Variants in MYO9A observed in about 807,000 individuals in gnomAD.
MYO9A encodes unconventional myosin-IXa.
A neutral mutation model predicts 293.3 loss-of-function variants in MYO9A; 103 were observed. The observed-to-expected ratio is 0.35, with a 90% CI of 0.30 to 0.41. The LOEUF (loss-of-function observed/expected upper bound fraction) is 0.41, where lower values mean the gene tolerates loss of function less well. MYO9A is among the 10% of genes least tolerant of loss of function. The pLI, the probability that MYO9A is intolerant of heterozygous loss-of-function variation, is 1.00. For missense variants in MYO9A, 2,685 were observed against 3,033.0 expected (o/e 0.89, Z 2.69); for synonymous variants, 1,001 against 1,035.7 (o/e 0.97, Z 0.64).
intron 1 of MYO9A, among the ~76,000 whole-genome samples, chr15:72,105,502 CT>C (rs35861022): frequency 0.052 from 4,688 of 89,374 alleles, 57 homozygotes; most frequent in East Asian, 0.16. Flanking sequence ...GCTGGGAAAG[CT>C]TTTTTTTTTT....
intron 32 of MYO9A, among the ~76,000 whole-genome samples, chr15:71,873,474 T>C (rs1475259531): frequency 6.6e-6 from 1 of 152,130 alleles, no homozygotes; most frequent in African/African-American, 2.4e-5. Flanking sequence ...TGGGTCAGTT[T>C]TTTTTTTCCT....
chr15:71,933,577 T>C (rs981788604), intron 18 of MYO9A, 93 bp downstream of exon 18: 4 of 1,171,986 alleles, frequency 3.4e-6, no homozygotes, highest in Non-Finnish European at 5.0e-6. Flanking sequence ...AATAAGGTTA[T>C]TTCTTGTTTT....
At position 71,897,898 on chromosome 15, in the gene MYO9A, C is replaced by T. The variant is rs372205750; in HGVS notation, c.4605G>A (p.Lys1535=). The T allele has an allele frequency of 1.4e-5, 22 of 1,614,020 alleles. No individual in the cohort carries two copies. The African/African-American group carries it at 1.9e-4, about 14-fold the overall frequency. Residue 1535 remains lysine, a synonymous_variant, in exon 25 of 42, where the codon AAG becomes AAA. Transcript: ENST00000356056. ...KERKAFKTIE[K]PRIGECLVAP... is the part of the protein sequence containing the mutation. ...CCACCAAACACTCTCCAATTCTTGG[C>T]TTTTCAATTGTCTTGAAGGCTTTGC...
chr15:72,084,757 AT>A (rs1036392243), intron 1 of MYO9A, among the ~76,000 whole-genome samples: 3 of 151,992 alleles, frequency 2.0e-5, no homozygotes, highest in Non-Finnish European at 1.5e-5. Context: ...CTTGGTTGGA[AT>A]TTTTCTTTAA....
In MYO9A at chr15:71,824,295, G is replaced by A. The variant is rs1333019001; in HGVS notation, c.*2285C>T. 1 of 152,122 alleles carries A rather than the reference G, an allele frequency of 6.6e-6. No homozygotes were observed. Among genetic ancestry groups the A allele is most frequent in the African/African-American group, 2.4e-5 (1 of 41,420 alleles). 9.4% of individuals were successfully genotyped at this position (152,122 alleles called of 1,614,324 possible). A position where few individuals can be genotyped will look rare whatever the true frequency, so the allele number is the denominator to read the frequency against. On this transcript the variant is annotated 3_prime_UTR_variant, in exon 42 of 42. Coordinates refer to ENST00000356056, the MANE Select transcript of MYO9A (RefSeq NM_006901.4). ...ATCCATCACCTAGTTCCTTTAAAGT[G>A]ACCTACATCAGTCGTTTTTTAACTG...
intron 1 of MYO9A, among the ~76,000 whole-genome samples, chr15:72,049,044 C>T (rs1422317229): frequency 1.3e-5 from 2 of 152,150 alleles, no homozygotes. Context: ...GTCATCCAGA[C>T]GGAACTGCTC....
At chr15:72,071,977 G>A (rs987744795) in intron 1 of MYO9A, among the ~76,000 whole-genome samples, 2 of 148,782 alleles carry the variant, frequency 1.3e-5, no homozygotes, top group Non-Finnish European at 3.0e-5. Flanking sequence ...GGCTGGGGTG[G>A]GAGGATCACT....
intron 10 of MYO9A, among the ~76,000 whole-genome samples, chr15:71,991,905 A>G (rs2076552155): frequency 6.6e-6 from 1 of 152,076 alleles, no homozygotes; most frequent in Admixed American, 6.5e-5. Context: ...CATGGCATGC[A>G]CCACCATTCT....
At chr15:72,025,521 T>C (rs908164281) in intron 4 of MYO9A, among the ~76,000 whole-genome samples, 8 of 152,226 alleles carry the variant, frequency 5.3e-5, no homozygotes, top group African/African-American at 1.9e-4. Context: ...CAACCACACC[T>C]GGATAGTTTC....
chr15:72,117,173 A>C (rs1596627563), intron 1 of MYO9A: 1 of 152,300 alleles, frequency 6.6e-6, no homozygotes, highest in East Asian at 1.9e-4. Flanking sequence ...GGGAGTAAGA[A>C]CACCATGACA....
chr15:71,871,802 A>G (rs1005298604), intron 32 of MYO9A, among the ~76,000 whole-genome samples: 1 of 151,942 alleles, frequency 6.6e-6, no homozygotes, highest in African/African-American at 2.4e-5. Flanking sequence ...AAAGGAATTA[A>G]AATTAGTAGT....
intron 11 of MYO9A, among the ~76,000 whole-genome samples, chr15:71,982,842 CTTATAAA>C (rs933067093): frequency 6.6e-6 from 1 of 152,072 alleles, no homozygotes; most frequent in Non-Finnish European, 1.5e-5. Context: ...CTATCAGGTG[CTTATAAA>C]TTTTGGACTG....
intron 16 of MYO9A, 169 bp downstream of exon 16, chr15:71,938,680 CTTG>C (rs2058696996): frequency 8.7e-6 from 4 of 461,190 alleles, no homozygotes; most frequent in African/African-American, 8.1e-5. Flanking sequence ...GTAGACAAAT[CTTG>C]TTAACTTTAA....
chr15:71,899,102 G>T, intron 24 of MYO9A, 70 bp from the exon 25 acceptor site: 2 of 1,359,998 alleles, frequency 1.5e-6, no homozygotes, highest in East Asian at 2.3e-5. Flanking sequence ...TATTTCCTGA[G>T]AATTTAAGAA....
chr15:71,897,978 C>G lies in MYO9A; in HGVS notation c.4525G>C (p.Glu1509Gln), dbSNP rs2057379670. The G allele has an allele frequency of 1.2e-6, 2 of 1,614,122 alleles. No homozygotes were observed. The highest frequency in any genetic ancestry group is 4.5e-5 in the East Asian group (2 of 44,874). ...ERQKQLQQQN[E>Q]KEMMEQIRQQ... ...CGAATCTGTTCCATCATCTCTTTTT[C>G]ATTCTGTTGCTGCAACTGTTTTTGC... The change falls in exon 25 of 42, where the codon GAA (glutamate) becomes CAA (glutamine). Residue 1509 changes from glutamate (E) to glutamine (Q), a missense_variant. Glu to Gln is a conservative substitution (Grantham distance 29). Coordinates refer to ENST00000356056, the MANE Select transcript of MYO9A (RefSeq NM_006901.4).
intron 32 of MYO9A, among the ~76,000 whole-genome samples, chr15:71,874,122 C>T (rs979849589): frequency 6.6e-6 from 1 of 152,136 alleles, no homozygotes; most frequent in African/African-American, 2.4e-5. Flanking sequence ...AGAAACTTCG[C>T]AATAGGCAAA....
intron 8 of MYO9A, among the ~76,000 whole-genome samples, chr15:72,004,671 T>A (rs73434401): frequency 0.021 from 3,202 of 152,296 alleles, 111 homozygotes; most frequent in African/African-American, 0.075. Context: ...TGATGATAGT[T>A]CTAATATCTC....
intron 33 of MYO9A, among the ~76,000 whole-genome samples, chr15:71,860,694 G>T (rs540214601): frequency 3.9e-5 from 6 of 152,140 alleles, no homozygotes; most frequent in Non-Finnish European, 8.8e-5. Flanking sequence ...GCCAGGCACA[G>T]TGGCTCATGC....
chr15:71,966,880 A>G (rs1370658015), intron 13 of MYO9A, among the ~76,000 whole-genome samples: 1 of 152,142 alleles, frequency 6.6e-6, no homozygotes, highest in African/African-American at 2.4e-5. Context: ...ATAAAAGCCA[A>G]ACTCAACTTG....
Sources: gnomAD v4.1 joint callset for allele counts (sites outside exome capture counted in the v4.1 genomes callset) on GRCh38, gnomAD v4.1.1 for gene constraint, MANE v1.5 for transcripts, NCBI Gene and HGNC (gene_info 2026-07-23, HGNC 2026-07-21) for gene names.